Variants in COMMD1 observed in about 807,000 individuals in gnomAD.
COMMD1 encodes copper metabolism domain containing 1.
COMMD1 carries 10 observed loss-of-function variants against 17.2 expected under a neutral mutation model. The observed-to-expected ratio is 0.58, with a 90% CI of 0.36 to 0.99. The LOEUF (loss-of-function observed/expected upper bound fraction) is 0.99, where lower values mean the gene tolerates loss of function less well. COMMD1 is among the 50% of genes least tolerant of loss of function. COMMD1 has a pLI of 0.01. For missense variants in COMMD1, 270 were observed against 231.8 expected (o/e 1.17, Z -1.07); for synonymous variants, 97 against 91.6 (o/e 1.06, Z -0.34).
intron 2 of COMMD1, among the ~76,000 whole-genome samples, chr2:62,020,139 G>A (rs1669572613): frequency 6.6e-6 from 1 of 152,184 alleles, no homozygotes; most frequent in Non-Finnish European, 1.5e-5. Flanking sequence ...TCTATGTGAA[G>A]ACCTGTGAAA....
chr2:62,091,387 G>A (rs376095947), intron 2 of COMMD1, among the ~76,000 whole-genome samples: 2 of 152,200 alleles, frequency 1.3e-5, no homozygotes, highest in African/African-American at 4.8e-5. Context: ...CCTCCAGTGA[G>A]GTCACACTTT....
rs112606929 is a variant in COMMD1 at position 61,893,028 on chromosome 2, C to T, written n.119+4186C>T. The stretch of plus-strand genomic sequence containing the variant: ...GACTATAGGCATGCGCCACCGTGGT[C>T]GGCTAATTTTGTATTTTTAGTAGAG... On this transcript the variant is annotated intron_variant and non_coding_transcript_variant, in intron 1 of 2. Transcript: ENST00000472729. Among the ~76,000 whole-genome samples the T allele has an allele frequency of 7.9e-5, 12 of 151,894 alleles. 1 individual carries two copies. The highest frequency in any genetic ancestry group is 1.2e-4 in the Non-Finnish European group (8 of 68,008).
intron 2 of COMMD1, among the ~76,000 whole-genome samples, chr2:62,058,707 C>T (rs1292868557): frequency 1.3e-5 from 2 of 151,924 alleles, no homozygotes; most frequent in African/African-American, 4.8e-5. Flanking sequence ...CTACTACACT[C>T]AGCCTAGGTG....
chr2:61,978,581 TAA>T (rs1216226721), intron 1 of COMMD1, among the ~76,000 whole-genome samples: 2 of 152,198 alleles, frequency 1.3e-5, no homozygotes, highest in African/African-American at 4.8e-5. Flanking sequence ...TAGGCAGTGC[TAA>T]GAGGAAAAGT....
At chr2:62,036,510 A>G (rs1245555747) in intron 2 of COMMD1, among the ~76,000 whole-genome samples, 3 of 152,268 alleles carry the variant, frequency 2.0e-5, no homozygotes, top group Non-Finnish European at 4.4e-5. Flanking sequence ...TTACAACTGC[A>G]GGATATGGTA....
At chr2:62,037,255 T>C (rs1229337773) in intron 2 of COMMD1, among the ~76,000 whole-genome samples, 2 of 152,186 alleles carry the variant, frequency 1.3e-5, no homozygotes, top group African/African-American at 4.8e-5. Flanking sequence ...CTGCATAAGA[T>C]TTTATTTGAA....
intron 2 of COMMD1, among the ~76,000 whole-genome samples, chr2:62,066,385 A>C (rs1427345255): frequency 3.3e-5 from 5 of 151,984 alleles, no homozygotes; most frequent in Admixed American, 6.6e-5. Context: ...TTTTGACTAC[A>C]GCCGCTTCAC....
At chr2:61,963,649 A>G (rs1671427917) in intron 1 of COMMD1, among the ~76,000 whole-genome samples, 1 of 152,172 alleles carries the variant, frequency 6.6e-6, no homozygotes, top group South Asian at 2.1e-4. Context: ...CAGCCTGGCC[A>G]GTTGTTTAGA....
chr2:61,892,624 G>A (rs750177171), intron 1 of COMMD1, among the ~76,000 whole-genome samples: 12 of 149,384 alleles, frequency 8.0e-5, no homozygotes, highest in Non-Finnish European at 1.3e-4. Context: ...AACCTGGGAG[G>A]TGGAGGTTGC....
rs1347033218 is a variant in COMMD1, at chr2:61,893,571, T to C, written n.119+4729T>C. On this transcript the variant is annotated intron_variant and non_coding_transcript_variant, in intron 1 of 2. Coordinates refer to the COMMD1 transcript ENST00000472729. ...GCTCACGCCTGTAATCCCAGCACTTTGGGAGGCTGAGGCAGGCAGATAGCT... is the reference window on the plus strand; with the variant it reads ...GCTCACGCCTGTAATCCCAGCACTTCGGGAGGCTGAGGCAGGCAGATAGCT... Among the ~76,000 whole-genome samples the C allele has an allele frequency of 4.0e-5, 6 of 149,890 alleles. No individual in the cohort carries two copies. In the East Asian group the frequency reaches 5.8e-4, roughly 14 times the overall value.
intron 2 of COMMD1, among the ~76,000 whole-genome samples, chr2:62,087,611 G>T (rs760925823): frequency 6.6e-6 from 1 of 152,112 alleles, no homozygotes; most frequent in Non-Finnish European, 1.5e-5. Context: ...TCAGGCATGG[G>T]TGGCAGGAGC....
intron 1 of COMMD1, among the ~76,000 whole-genome samples, chr2:61,971,168 T>G (rs1052701409): frequency 6.6e-6 from 1 of 152,218 alleles, no homozygotes; most frequent in Non-Finnish European, 1.5e-5. Flanking sequence ...GAACAAAGGA[T>G]TTTTAGCAAA....
chr2:61,980,613 A>C (rs1366881149), intron 1 of COMMD1, among the ~76,000 whole-genome samples: 1 of 141,748 alleles, frequency 7.1e-6, no homozygotes, highest in East Asian at 2.1e-4. Context: ...TTTTTGTTGT[A>C]AATTTGTTTG....
intron 2 of COMMD1, among the ~76,000 whole-genome samples, chr2:62,093,054 G>A (rs1395519861): frequency 1.3e-5 from 2 of 152,166 alleles, no homozygotes; most frequent in East Asian, 3.8e-4. Context: ...AGTAAAATGA[G>A]TCCCATGGTC....
At chr2:61,956,667 C>G (rs1464271785) in intron 1 of COMMD1, among the ~76,000 whole-genome samples, 2 of 151,638 alleles carry the variant, frequency 1.3e-5, no homozygotes, top group African/African-American at 4.8e-5. Context: ...TCTTGGCCTC[C>G]CAAAGTGCTG....
intron 2 of COMMD1, chr2:62,090,558 A>G (rs142868107): frequency 6.6e-6 from 1 of 152,232 alleles, no homozygotes; most frequent in South Asian, 2.1e-4. Flanking sequence ...ACAGTGGACA[A>G]ATCTATTTTT....
chr2:62,068,310 C>A (rs1221088416), intron 2 of COMMD1, among the ~76,000 whole-genome samples: 2 of 152,300 alleles, frequency 1.3e-5, no homozygotes, highest in Non-Finnish European at 2.9e-5. Context: ...AACTATAAAA[C>A]CTCTCCCAGA....
rs78818371 is a variant in COMMD1, at chr2:62,117,686, C to T, written c.463-18145C>T. On this transcript the variant is annotated intron_variant, in intron 2 of 2. Transcript: ENST00000311832. Reference sequence around the variant, plus strand: ...TTGTATGTGTGGAATAAATGTTAGCCATTGTTGGTTATCATTATCATTATT... The same window carrying T: ...TTGTATGTGTGGAATAAATGTTAGCTATTGTTGGTTATCATTATCATTATT... Among the ~76,000 whole-genome samples, 927 of 152,284 alleles carry T rather than the reference C, an allele frequency of 6.1e-3. 4 individuals are homozygous for T. Among genetic ancestry groups the T allele is most frequent in the South Asian group, 0.02 (96 of 4,828 alleles).
At chr2:62,046,964 A>C (rs893757346) in intron 2 of COMMD1, among the ~76,000 whole-genome samples, 1 of 152,240 alleles carries the variant, frequency 6.6e-6, no homozygotes, top group African/African-American at 2.4e-5. Context: ...AACTGCAGAC[A>C]CGAGCCAGAG....
Sources: allele counts gnomAD v4.1 joint callset (sites outside exome capture counted in the v4.1 genomes callset), GRCh38; gene constraint gnomAD v4.1.1; transcripts MANE v1.5; gene names NCBI Gene and HGNC (gene_info 2026-07-23, HGNC 2026-07-21).